The following SEMA3D variants were observed in gnomAD, a reference collection of about 807,000 sequenced individuals.
SEMA3D encodes semaphorin 3D, also known as semaphorin-3D.
SEMA3D carries 84 observed loss-of-function variants against 100.1 expected under a neutral mutation model. The ratio of observed to expected loss-of-function variants is 0.84; its 90% CI spans 0.70 to 1.01. The LOEUF (loss-of-function observed/expected upper bound fraction) is 1.01, where lower values mean the gene tolerates loss of function less well. SEMA3D is among the 50% of genes least tolerant of loss of function. The probability of loss-of-function intolerance (pLI) is 0.00; values close to 1 mark genes in which losing one functional copy is unlikely to be tolerated. For synonymous variants in SEMA3D, 312 were observed against 320.7 expected (o/e 0.97, Z 0.29); for missense variants, 875 against 934.1 (o/e 0.94, Z 0.82).
chr7:85,222,527 T>C, the SEMA3D span, among the ~76,000 whole-genome samples: 3 of 152,156 alleles, frequency 2.0e-5, no homozygotes, highest in Non-Finnish European at 4.4e-5. Context: ...TATTTTTCTG[T>C]GTGTGGAGTA....
At chr7:85,069,152 A>T (rs1437359865) in intron 6 of SEMA3D, among the ~76,000 whole-genome samples, 1 of 152,126 alleles carries the variant, frequency 6.6e-6, no homozygotes, top group East Asian at 1.9e-4. Context: ...TGTCTAGGTG[A>T]TGTATCTATG....
intron 1 of SEMA3D, among the ~76,000 whole-genome samples, chr7:85,186,455 C>G (rs1393250679): frequency 6.6e-6 from 1 of 152,144 alleles, no homozygotes; most frequent in African/African-American, 2.4e-5. Context: ...GCCCCAGGGG[C>G]CGCGCTGAAG....
chr7:85,159,862 A>G (rs923586311), intron 1 of SEMA3D: 27 of 984,954 alleles, frequency 2.7e-5, no homozygotes, highest in Non-Finnish European at 3.1e-5. Flanking sequence ...TTCAGTAACC[A>G]TTATATGACT....
At chr7:85,126,709 C>T (rs1789581209) in intron 2 of SEMA3D, among the ~76,000 whole-genome samples, 1 of 151,892 alleles carries the variant, frequency 6.6e-6, no homozygotes, top group Non-Finnish European at 1.5e-5. Context: ...AACATTACTT[C>T]CTGGCATGGC....
chr7:85,043,765 G>A (rs546700670), intron 9 of SEMA3D, among the ~76,000 whole-genome samples: 83 of 152,084 alleles, frequency 5.5e-4, no homozygotes, highest in Non-Finnish European at 1.0e-3. Flanking sequence ...CCCTGCATAA[G>A]CTCTCCTTGC....
intron 1 of SEMA3D, among the ~76,000 whole-genome samples, chr7:85,182,090 T>A (rs903753679): frequency 5.9e-5 from 9 of 151,364 alleles, no homozygotes; most frequent in Admixed American, 3.3e-4. Flanking sequence ...TTCTTTTATC[T>A]TTTTTTTAGT....
At chr7:85,160,063 G>A in intron 1 of SEMA3D, 1 of 930,634 alleles carries the variant, frequency 1.1e-6, no homozygotes, top group Non-Finnish European at 1.3e-6. Flanking sequence ...ACTGCAAACA[G>A]TAATACTGAA....
intron 8 of SEMA3D, among the ~76,000 whole-genome samples, chr7:85,062,389 A>G (rs1043854651): frequency 1.1e-4 from 16 of 152,334 alleles, no homozygotes; most frequent in African/African-American, 3.4e-4. Context: ...GAAGACCTAT[A>G]GGAAAATGGT....
At chr7:85,017,411 C>T (rs1790135501) in intron 15 of SEMA3D, among the ~76,000 whole-genome samples, 1 of 151,588 alleles carries the variant, frequency 6.6e-6, no homozygotes, top group Admixed American at 6.6e-5. Flanking sequence ...CTCCAAGCAC[C>T]TTAGGCCTTC....
chr7:85,058,117 A>C (rs542835255), intron 8 of SEMA3D, among the ~76,000 whole-genome samples: 138 of 152,230 alleles, frequency 9.1e-4, no homozygotes, highest in Non-Finnish European at 1.6e-3. Flanking sequence ...TCCTTATTCT[A>C]TATTATTTTC....
At chr7:85,166,532 G>A (rs1379906839) in intron 1 of SEMA3D, among the ~76,000 whole-genome samples, 2 of 152,034 alleles carry the variant, frequency 1.3e-5, no homozygotes, top group Non-Finnish European at 2.9e-5. Flanking sequence ...ATTATTCTAA[G>A]TTGTGAACAC....
intron 2 of SEMA3D, among the ~76,000 whole-genome samples, chr7:85,131,441 C>A (rs185293896): frequency 6.6e-6 from 1 of 152,024 alleles, no homozygotes; most frequent in Admixed American, 6.6e-5. Flanking sequence ...CATAATTTAT[C>A]AAGAAAGAGA....
the SEMA3D span, among the ~76,000 whole-genome samples, chr7:85,226,972 G>A: frequency 4.6e-5 from 7 of 152,056 alleles, no homozygotes; most frequent in South Asian, 1.0e-3. Context: ...TGCATTAAGC[G>A]CAATGACCTT....
chr7:85,137,912 C>T (rs1208190520), intron 2 of SEMA3D, among the ~76,000 whole-genome samples: 1 of 152,076 alleles, frequency 6.6e-6, no homozygotes, highest in Non-Finnish European at 1.5e-5. Flanking sequence ...TGGGTAAGTT[C>T]GAGGTCAACA....
rs1226675568 is a variant in SEMA3D at position 85,141,440 on chromosome 7, A to T, written c.-41+12168T>A. 3.0e-6 allele frequency: 3 copies of T among 984,996 alleles called. No homozygotes were observed. The East Asian group carries it at 3.4e-4, about 112-fold the overall frequency. 61.0% of individuals were successfully genotyped at this position (984,996 alleles called of 1,614,324 possible). On this transcript the variant is annotated intron_variant, in intron 2 of 18. Coordinates refer to ENST00000284136, the MANE Select transcript of SEMA3D (RefSeq NM_001384900.1). ...TGGGGATTCTGTGCTAATATTTAAAAAAAAGATTGGTGTCTTGATCTTTCT... is the reference window on the plus strand; with the variant it reads ...TGGGGATTCTGTGCTAATATTTAAATAAAAGATTGGTGTCTTGATCTTTCT...
chr7:85,141,587 C>T lies in SEMA3D; in HGVS notation c.-41+12021G>A, dbSNP rs181772773. ...TACTGAAATTTAAATTACTTAAGTT[C>T]CCTTCTTTGTGATCTCTATAAATCA... On this transcript the variant is annotated intron_variant, in intron 2 of 18. Coordinates refer to ENST00000284136, the MANE Select transcript of SEMA3D (RefSeq NM_001384900.1). The T allele has an allele frequency of 3.7e-4, 368 of 984,202 alleles. 1 individual carries two copies. The highest frequency in any genetic ancestry group is 4.0e-4 in the Non-Finnish European group (333 of 828,892). 61.0% of individuals were successfully genotyped at this position (984,202 alleles called of 1,614,324 possible). A position where few individuals can be genotyped will look rare whatever the true frequency, so the allele number is the denominator to read the frequency against.
chr7:85,023,738 A>T (rs1161738209), intron 12 of SEMA3D, among the ~76,000 whole-genome samples: 2 of 151,960 alleles, frequency 1.3e-5, no homozygotes, highest in Non-Finnish European at 2.9e-5. Flanking sequence ...GGAGCTGAAG[A>T]TACTAGAACT....
chr7:85,156,507 T>C (rs1005645806), intron 1 of SEMA3D, among the ~76,000 whole-genome samples: 4 of 152,172 alleles, frequency 2.6e-5, no homozygotes, highest in African/African-American at 9.7e-5. Context: ...TTCCAGAGTA[T>C]AAAGTTATAA....
chr7:85,223,024 T>C, the SEMA3D span, among the ~76,000 whole-genome samples: 1 of 151,838 alleles, frequency 6.6e-6, no homozygotes, highest in African/African-American at 2.4e-5. Flanking sequence ...AAAGAAGATA[T>C]ACAAATGGCC....
Sources: gnomAD v4.1 joint callset for allele counts (sites outside exome capture counted in the v4.1 genomes callset) on GRCh38, gnomAD v4.1.1 for gene constraint, MANE v1.5 for transcripts, NCBI Gene and HGNC (gene_info 2026-07-23, HGNC 2026-07-21) for gene names.